The following TOMM40L variants were observed in gnomAD, a reference collection of about 807,000 sequenced individuals.
TOMM40L encodes the protein translocase of outer mitochondrial membrane 40 like, also known as mitochondrial import receptor subunit TOM40B.
A neutral mutation model predicts 38.3 loss-of-function variants in TOMM40L; 17 were observed. That is an observed-to-expected ratio of 0.44 (90% CI 0.30 to 0.67). The LOEUF (loss-of-function observed/expected upper bound fraction) is 0.67, where lower values mean the gene tolerates loss of function less well. Ranked by LOEUF, TOMM40L falls within the 30% of genes least tolerant of loss-of-function variation. The pLI is 0.08. For missense variants in TOMM40L, 294 were observed against 390.0 expected (o/e 0.75, Z 2.07); for synonymous variants, 151 against 150.2 (o/e 1.01, Z -0.04).
intron 3 of TOMM40L, 130 bp from the exon 4 acceptor site, chr1:161,227,128 C>T: frequency 8.5e-7 from 1 of 1,171,964 alleles, no homozygotes; most frequent in South Asian, 1.4e-5. Context: ...ATCCGATGAC[C>T]TTCTCTGTAT....
At position 161,226,415 on chromosome 1, in the gene TOMM40L, G is replaced by A; in HGVS notation, c.-75G>A. On this transcript the variant is annotated 5_prime_UTR_variant, in exon 2 of 10. Coordinates refer to ENST00000367988, the MANE Select transcript of TOMM40L (RefSeq NM_032174.6). The stretch of plus-strand genomic sequence containing the variant: ...GGGGAGCCGGATAATGGGGGGTGGG[G>A]CCCGTTGGGGGGTAAAGGGGCAATA... 1 of 1,315,414 alleles carries A rather than the reference G, an allele frequency of 7.6e-7. No individual in the cohort carries two copies. The allele number at this position is 1,315,414 out of a possible 1,614,324, so 81.5% of individuals were successfully genotyped here.
Position 161,228,793 on chromosome 1 carries a change from C to T in TOMM40L, c.763C>T (p.Pro255Ser). The T allele has an allele frequency of 6.2e-7, 1 of 1,614,138 alleles. No homozygotes were observed. The change falls in exon 9 of 10, where the codon CCC becomes TCC. Residue 255 changes from proline to serine, a missense_variant. Coordinates refer to ENST00000367988, the MANE Select transcript of TOMM40L (RefSeq NM_032174.6). ...CTCCTTTGGTTACCACCTGACTCTG[C>T]CCCAGGCCAACATGGTATTTAGAGG... ...TFSFGYHLTL[P>S]QANMVFRGLV...
intron 3 of TOMM40L, 79 bp from the exon 4 acceptor site, chr1:161,227,179 G>C: frequency 1.4e-6 from 2 of 1,423,880 alleles, no homozygotes; most frequent in Non-Finnish European, 2.0e-6. Context: ...CCTCTGGATG[G>C]GGAAAAGACT....
At chr1:161,227,066 G>T (rs1020223937) in intron 3 of TOMM40L, 111 bp downstream of exon 3, 2 of 1,370,228 alleles carry the variant, frequency 1.5e-6, no homozygotes, top group Non-Finnish European at 1.0e-6. Context: ...GACAAATGAG[G>T]GAGGATGTGG....
At chr1:161,228,029 C>T in intron 6 of TOMM40L, 40 bp downstream of exon 6, 1 of 1,608,330 alleles carries the variant, frequency 6.2e-7, no homozygotes, top group Non-Finnish European at 8.5e-7. Context: ...CTTGGCGGCC[C>T]ATTTGCTAAT....
In TOMM40L at chr1:161,229,828, A is replaced by G; in HGVS notation, c.*733A>G. ...GCAGATCTCCTGGAGCAGCGGCATC[A>G]TGGCAGACAGGCCCTGGATGTGCTG... On this transcript the variant is annotated 3_prime_UTR_variant, in exon 10 of 10. Transcript: ENST00000367988. 6.2e-7 allele frequency: 1 copy of G among 1,614,210 alleles called. No homozygotes were observed. Among genetic ancestry groups the G allele is most frequent in the Non-Finnish European group, 8.5e-7 (1 of 1,180,030 alleles).
At chr1:161,226,747 G>C in intron 2 of TOMM40L, 141 bp from the exon 3 acceptor site, 1 of 1,261,218 alleles carries the variant, frequency 7.9e-7, no homozygotes, top group East Asian at 2.5e-5. Context: ...GTGCCCAAAT[G>C]AAGTGGAGCA....
Position 161,227,657 on chromosome 1 carries a change from G to T in TOMM40L, c.298G>T (p.Asp100Tyr). ...ACAGGTGTTCCCCACTGTGGTAGGG[G>T]ATATGGACAGCAGTGGCAGCCTGAA... ...PTEVFPTVVG[D>Y]MDSSGSLNAQ... Residue 100 changes from aspartate to tyrosine, a missense_variant, in exon 5 of 10, where the codon GAT becomes TAT. Asp to Tyr is a radical substitution (Grantham distance 160). Transcript: ENST00000367988. 2 of 1,613,556 alleles carry T rather than the reference G, an allele frequency of 1.2e-6. No homozygotes were observed. Among genetic ancestry groups the T allele is most frequent in the Non-Finnish European group, 1.7e-6 (2 of 1,180,002 alleles).
At chr1:161,228,625 T>C in intron 8 of TOMM40L, 90 bp from the exon 9 acceptor site, 1 of 1,558,682 alleles carries the variant, frequency 6.4e-7, no homozygotes, top group Non-Finnish European at 8.8e-7. Context: ...TATATTTACA[T>C]GCATGCCTCC....
At chr1:161,226,669 G>A (rs1444587473) in intron 2 of TOMM40L, 65 bp downstream of exon 2, 56 of 1,519,238 alleles carry the variant, frequency 3.7e-5, no homozygotes, top group Middle Eastern at 1.7e-4. Context: ...CTTGAATGCC[G>A]GATGTCCGGC....
At chr1:161,227,827 A>G (rs998090638) in intron 5 of TOMM40L, 57 bp from the exon 6 acceptor site, 36 of 1,604,606 alleles carry the variant, frequency 2.2e-5, no homozygotes, top group Non-Finnish European at 3.1e-5. Context: ...GGAGGAGCAG[A>G]GTCTATAATG....
In TOMM40L at chr1:161,226,971, T is replaced by C; in HGVS notation, c.183+16T>C. The C allele has an allele frequency of 6.2e-7, 1 of 1,613,988 alleles. No individual in the cohort carries two copies. Among genetic ancestry groups the C allele is most frequent in the East Asian group, 2.2e-5 (1 of 44,878 alleles). On this transcript the variant is annotated intron_variant, in intron 3 of 9. Coordinates refer to ENST00000367988, the MANE Select transcript of TOMM40L (RefSeq NM_032174.6). ...CCATTTCCAGGTGCTCCCACTTCTC[T>C]GGCCCCTCCTTACTATTCCCCCTTT...
chr1:161,228,317 C>T lies in TOMM40L; in HGVS notation c.607+9C>T, dbSNP rs753403494. 20 of 1,606,110 alleles carry T rather than the reference C, an allele frequency of 1.2e-5. No homozygotes were observed. Among genetic ancestry groups the T allele is most frequent in the South Asian group, 6.6e-5 (6 of 90,260 alleles). On this transcript the variant is annotated intron_variant, in intron 7 of 9. Transcript: ENST00000367988. Reference sequence around the variant, plus strand: ...GGCTGGGAAGTACTCGGGTATGGGGCGAAGTGAAGTAGTGGTGGTGGTGGG... The same window carrying T: ...GGCTGGGAAGTACTCGGGTATGGGGTGAAGTGAAGTAGTGGTGGTGGTGGG...
intron 2 of TOMM40L, 60 bp downstream of exon 2, chr1:161,226,664 A>G (rs1352879472): frequency 2.0e-6 from 3 of 1,536,160 alleles, no homozygotes; most frequent in Non-Finnish European, 2.7e-6. Flanking sequence ...AGGGTCTTGA[A>G]TGCCGGATGT....
rs1666346136 is a variant in TOMM40L at position 161,226,371 on chromosome 1, T to C, written c.-119T>C. 1 of 804,164 alleles carries C rather than the reference T, an allele frequency of 1.2e-6. No homozygotes were observed. 49.8% of individuals were successfully genotyped at this position (804,164 alleles called of 1,614,324 possible). On this transcript the variant is annotated 5_prime_UTR_variant, in exon 2 of 10. The change abolishes an upstream ATG in the 5' untranslated region. Transcript: ENST00000367988. ...CTGTTCCAGGTGTAGCGTCGGACCA[T>C]GTGGAAGTTTCTGAGGCTGGGGAGC...
chr1:161,226,812 T>C (rs952172157), intron 2 of TOMM40L, 76 bp from the exon 3 acceptor site: 63 of 1,535,050 alleles, frequency 4.1e-5, no homozygotes, highest in Non-Finnish European at 5.4e-5. Flanking sequence ...CCCTATGGGA[T>C]TGAAAGGGGA....
At position 161,230,164 on chromosome 1, in the gene TOMM40L, A is replaced by G; in HGVS notation, c.*1069A>G. ...TTTTTTCTGAACCCAGAGCTCTGAG[A>G]GCCGAGTGTGAAGAAAGCTCCAGAC... On this transcript the variant is annotated 3_prime_UTR_variant, in exon 10 of 10. Coordinates refer to ENST00000367988, the MANE Select transcript of TOMM40L (RefSeq NM_032174.6). 2.0e-6 allele frequency: 1 copy of G among 510,446 alleles called. No homozygotes were observed. The highest frequency in any genetic ancestry group is 3.6e-5 in the East Asian group (1 of 27,716). 31.6% of individuals were successfully genotyped at this position (510,446 alleles called of 1,614,324 possible).
In TOMM40L at chr1:161,229,036, G is replaced by A. The variant is rs2102086414; in HGVS notation, c.868G>A (p.Ala290Thr). ...TCTGCCTGTCACCCTAGCCCTTGGA[G>A]CCTTCCTCAATCACTGGCGCAACAG... The part of the protein sequence containing the change: ...PPLPVTLALG[A>T]FLNHWRNRFH... Residue 290 changes from alanine (A) to threonine (T), a missense_variant, in exon 10 of 10, where the codon GCC (alanine) becomes ACC (threonine). Transcript: ENST00000367988. 1 of 1,614,140 alleles carries A rather than the reference G, an allele frequency of 6.2e-7. No individual in the cohort carries two copies. Among genetic ancestry groups the A allele is most frequent in the South Asian group, 1.1e-5 (1 of 91,092 alleles).
At position 161,229,569 on chromosome 1, in the gene TOMM40L, G is replaced by T. The variant is rs1008954747; in HGVS notation, c.*474G>T. 7 of 1,458,170 alleles carry T rather than the reference G, an allele frequency of 4.8e-6. No individual in the cohort carries two copies. In the African/African-American group the frequency reaches 8.4e-5, roughly 17 times the overall value. 90.3% of individuals were successfully genotyped at this position (1,458,170 alleles called of 1,614,324 possible). On this transcript the variant is annotated 3_prime_UTR_variant, in exon 10 of 10. Transcript: ENST00000367988. ...CCAGAAGGAGCTTCTTTACCTCTTAGCCCTGAGGTTTCCTCCTTCCCATCT... is the reference window on the plus strand; with the variant it reads ...CCAGAAGGAGCTTCTTTACCTCTTATCCCTGAGGTTTCCTCCTTCCCATCT...
Sources: allele counts gnomAD v4.1 joint callset, GRCh38; gene constraint gnomAD v4.1.1; transcripts MANE v1.5; gene names NCBI Gene and HGNC (gene_info 2026-07-23, HGNC 2026-07-21).